Variants in DERA observed in about 807,000 individuals in gnomAD.
The protein encoded by DERA is deoxyribose-phosphate aldolase.
In DERA, 15 loss-of-function variants were observed where a neutral mutation model predicts 41.1. That is an observed-to-expected ratio of 0.37 (90% CI 0.24 to 0.56). The LOEUF (loss-of-function observed/expected upper bound fraction) is 0.56, where lower values mean the gene tolerates loss of function less well. Among genes scored for constraint, DERA ranks in the 20% least tolerant of loss-of-function variants. The pLI is 0.81. For missense variants in DERA, 396 were observed against 403.4 expected (o/e 0.98, Z 0.16); for synonymous variants, 139 against 137.4 (o/e 1.01, Z -0.08).
rs76344977 is a variant in DERA at position 16,000,535 on chromosome 12, G to A, written c.637+18099G>A. ...CAGTGACCCAAGAATGAGTGTTATA[G>A]TATGCTTTTTGTAAAAAATTTATCA... On this transcript the variant is annotated intron_variant, in intron 6 of 8. Coordinates refer to ENST00000428559, the MANE Select transcript of DERA (RefSeq NM_015954.4). This position sits in a 1 kb window ranked among gnomAD's most constrained non-coding sequence, Gnocchi z 4.8. Among the ~76,000 whole-genome samples, 1,119 of 152,300 alleles carry A rather than the reference G, an allele frequency of 7.3e-3. 13 individuals carry two copies. Among genetic ancestry groups the A allele is most frequent in the South Asian group, 0.027 (129 of 4,824 alleles).
At chr12:15,912,251 T>G (rs113798025) in intron 1 of DERA, among the ~76,000 whole-genome samples, 3,910 of 152,172 alleles carry the variant, frequency 0.026, 84 homozygotes, top group Non-Finnish European at 0.04. Flanking sequence ...AGCATCTGTT[T>G]AACAAAGCAC....
chr12:16,012,323 G>A lies in DERA; in HGVS notation c.638-20219G>A, dbSNP rs767464553. On this transcript the variant is annotated intron_variant, in intron 6 of 8. Transcript: ENST00000428559. The surrounding 1 kb of genome is among the most constrained non-coding windows in gnomAD (Gnocchi z 4.1). ...ACAGGATTAAGGGGCCAGCCAGCTG[G>A]GCAGTTTCCCAGTGTGCTAATCTCT... 1.3e-5 allele frequency among the ~76,000 whole-genome samples: 2 copies of A among 152,180 alleles called. No individual in the cohort carries two copies. Among genetic ancestry groups the A allele is most frequent in the African/African-American group, 4.8e-5 (2 of 41,438 alleles).
rs1948420911 is a variant in DERA, at chr12:15,943,175, A to C, written c.32-13761A>C. Among the ~76,000 whole-genome samples, 1 of 152,190 alleles carries C rather than the reference A, an allele frequency of 6.6e-6. No individual in the cohort carries two copies. The highest frequency in any genetic ancestry group is 6.5e-5 in the Admixed American group (1 of 15,284). On this transcript the variant is annotated intron_variant, in intron 1 of 8. Transcript: ENST00000428559. This position sits in a 1 kb window ranked among gnomAD's most constrained non-coding sequence, Gnocchi z 4.5. Reference sequence around the variant, plus strand: ...CTTCTTTGAATTTTGTGCTTTGTGAATCTTACAGATGCTTCTGAATCTTTG... The same window carrying C: ...CTTCTTTGAATTTTGTGCTTTGTGACTCTTACAGATGCTTCTGAATCTTTG...
Position 15,982,377 on chromosome 12 carries a change from C to G in DERA, c.578C>G (p.Thr193Arg), listed in dbSNP as rs369981962. ...GEAHLKTILA[T>R]GELGTLTNVY... ...GCTCATCTTAAAACTATATTAGCGA[C>G]AGGAGAACTTGGAACTCTTACTAAT... is the stretch of plus-strand genomic sequence containing the variant. The change falls in exon 6 of 9, where the codon ACA becomes AGA. Residue 193 changes from threonine (T) to arginine (R), a missense_variant. Transcript: ENST00000428559. The surrounding 1 kb of genome is among the most constrained non-coding windows in gnomAD (Gnocchi z 4.0). The G allele has an allele frequency of 6.6e-5, 106 of 1,613,664 alleles. No individual in the cohort carries two copies. Among genetic ancestry groups the G allele is most frequent in the Non-Finnish European group, 2.6e-5 (31 of 1,179,774 alleles).
Position 15,957,552 on chromosome 12 carries a change from G to A in DERA, c.129+519G>A, listed in dbSNP as rs943745558. ...TCTTCAGTGTATCCCAACCAAAGAC[G>A]TGCTGTGTAGGATTAAAGGGAATTC... is the stretch of plus-strand genomic sequence containing the variant. On this transcript the variant is annotated intron_variant, in intron 2 of 8. Transcript: ENST00000428559. This position sits in a 1 kb window ranked among gnomAD's most constrained non-coding sequence, Gnocchi z 4.8. 6.6e-6 allele frequency among the ~76,000 whole-genome samples: 1 copy of A among 152,150 alleles called. No individual in the cohort carries two copies. The highest frequency in any genetic ancestry group is 2.4e-5 in the African/African-American group (1 of 41,428).
rs1949127071 is a variant in DERA, at chr12:16,036,235, G to C, written c.754G>C (p.Gly252Arg). ...TATTCTCTGCCTTCCCATTTAGATA[G>C]GGTTTAAACCAGCAGGAGGCATCCG... is the stretch of plus-strand genomic sequence containing the variant. ...DFFWKTGNKI[G>R]FKPAGGIRSA... Residue 252 changes from glycine (G) to arginine (R), a missense_variant, in exon 8 of 9, where the codon GGG becomes CGG. Gly to Arg is a moderately radical substitution (Grantham distance 125, BLOSUM62 -2). Coordinates refer to ENST00000428559, the MANE Select transcript of DERA (RefSeq NM_015954.4). The surrounding 1 kb of genome is among the most constrained non-coding windows in gnomAD (Gnocchi z 4.9). 6.3e-7 allele frequency: 1 copy of C among 1,597,852 alleles called. No individual in the cohort carries two copies. Among genetic ancestry groups the C allele is most frequent in the Non-Finnish European group, 8.5e-7 (1 of 1,174,064 alleles).
In DERA at chr12:15,964,384, A is replaced by G. The variant is rs572329922; in HGVS notation, c.508+1437A>G. ...CACCCCACTGCCCCCCAAGTTCCCC[A>G]TTAATACTCATCAACATTTATAATT... On this transcript the variant is annotated intron_variant, in intron 5 of 8. Transcript: ENST00000428559. Among the ~76,000 whole-genome samples, 28 of 152,228 alleles carry G rather than the reference A, an allele frequency of 1.8e-4. 1 individual carries two copies. In the South Asian group the frequency reaches 5.8e-3, roughly 32 times the overall value.
In DERA at chr12:16,036,651, A is replaced by G. The variant is rs199536426; in HGVS notation, c.901-39A>G. The G allele has an allele frequency of 2.0e-5, 29 of 1,434,960 alleles. No homozygotes were observed. The East Asian group carries it at 5.3e-4, about 26-fold the overall frequency. The allele number at this position is 1,434,960 out of a possible 1,614,324, so 88.9% of individuals were successfully genotyped here. On this transcript the variant is annotated intron_variant, in intron 8 of 8. Transcript: ENST00000428559. This position sits in a 1 kb window ranked among gnomAD's most constrained non-coding sequence, Gnocchi z 4.9. ...TAATTATTAACTGATGTGTATAATT[A>G]TAGAATGATTGTTAATTAAACTCTG...
chr12:16,027,720 G>T (rs536780777), intron 6 of DERA, among the ~76,000 whole-genome samples: 1 of 152,258 alleles, frequency 6.6e-6, no homozygotes, highest in East Asian at 1.9e-4. Flanking sequence ...CACTTCTGTT[G>T]TTTTGAGCCA....
chr12:15,935,798 C>A lies in DERA; in HGVS notation c.32-21138C>A, dbSNP rs1205894475. The stretch of plus-strand genomic sequence containing the variant: ...GAAACAATAAGCATTTATTATCTCA[C>A]AACATTTCTCTGGGTCAAAAATTTG... On this transcript the variant is annotated intron_variant, in intron 1 of 8. Coordinates refer to ENST00000428559, the MANE Select transcript of DERA (RefSeq NM_015954.4). This position sits in a 1 kb window ranked among gnomAD's most constrained non-coding sequence, Gnocchi z 4.8. 6.6e-6 allele frequency among the ~76,000 whole-genome samples: 1 copy of A among 152,112 alleles called. No individual in the cohort carries two copies. The highest frequency in any genetic ancestry group is 1.9e-4 in the East Asian group (1 of 5,188).
intron 1 of DERA, among the ~76,000 whole-genome samples, chr12:15,955,588 A>G (rs1359930026): frequency 6.6e-6 from 1 of 152,222 alleles, no homozygotes. Context: ...GATTTCAGCT[A>G]ACAAAATAAT....
chr12:15,997,366 G>GA (rs1156595799), intron 6 of DERA, among the ~76,000 whole-genome samples: 7 of 151,996 alleles, frequency 4.6e-5, no homozygotes, highest in Non-Finnish European at 1.0e-4. Flanking sequence ...CCAAATGAAT[G>GA]AAAAAAATGA....
rs932397878 is a variant in DERA at position 16,008,053 on chromosome 12, C to T, written c.638-24489C>T. ...TTTTTAGTAGAGACAGAGTTTTGCC[C>T]TGTTGGCCTGGCTGGTCTTGAACTC... On this transcript the variant is annotated intron_variant, in intron 6 of 8. Transcript: ENST00000428559. This position sits in a 1 kb window ranked among gnomAD's most constrained non-coding sequence, Gnocchi z 4.8. Among the ~76,000 whole-genome samples, 11 of 151,944 alleles carry T rather than the reference C, an allele frequency of 7.2e-5. No homozygotes were observed. The highest frequency in any genetic ancestry group is 2.4e-4 in the African/African-American group (10 of 41,392).
At chr12:15,944,519 A>G (rs1216421799) in intron 1 of DERA, among the ~76,000 whole-genome samples, 4 of 152,082 alleles carry the variant, frequency 2.6e-5, no homozygotes, top group Non-Finnish European at 5.9e-5. Context: ...TGGCTGCATA[A>G]ATGTCTTCTT....
At position 15,957,023 on chromosome 12, in the gene DERA, A is replaced by G; in HGVS notation, c.119A>G (p.Lys40Arg). The change falls in exon 2 of 9, where the codon AAG becomes AGG. Residue 40 changes from lysine to arginine, a missense_variant. Lys to Arg is a conservative substitution (Grantham distance 26). Coordinates refer to ENST00000428559, the MANE Select transcript of DERA (RefSeq NM_015954.4). This position sits in a 1 kb window ranked among gnomAD's most constrained non-coding sequence, Gnocchi z 4.8. ...EQIQARRTVKKEWQAAWLLKA... is the reference protein window; with the variant it reads ...EQIQARRTVKREWQAAWLLKA... ...ATCCAGGCTCGCAGAACCGTGAAAA[A>G]GGAGTGGCAGGTAAGGGTTCTTCTT... 2 of 1,613,498 alleles carry G rather than the reference A, an allele frequency of 1.2e-6. No individual in the cohort carries two copies. Among genetic ancestry groups the G allele is most frequent in the African/African-American group, 1.3e-5 (1 of 75,044 alleles).
At position 16,008,078 on chromosome 12, in the gene DERA, C is replaced by T. The variant is rs1049964721; in HGVS notation, c.638-24464C>T. 1.3e-5 allele frequency among the ~76,000 whole-genome samples: 2 copies of T among 152,174 alleles called. No homozygotes were observed. Among genetic ancestry groups the T allele is most frequent in the African/African-American group, 4.8e-5 (2 of 41,452 alleles). On this transcript the variant is annotated intron_variant, in intron 6 of 8. Coordinates refer to ENST00000428559, the MANE Select transcript of DERA (RefSeq NM_015954.4). This position sits in a 1 kb window ranked among gnomAD's most constrained non-coding sequence, Gnocchi z 4.8. ...CTGTTGGCCTGGCTGGTCTTGAACT[C>T]GTGGCCTCAGGTGATCTGCCTGCCT...
rs142759142 is a variant in DERA, at chr12:15,911,738, A to G, written c.31+324A>G. On this transcript the variant is annotated intron_variant, in intron 1 of 8. Coordinates refer to ENST00000428559, the MANE Select transcript of DERA (RefSeq NM_015954.4). This position sits in a 1 kb window ranked among gnomAD's most constrained non-coding sequence, Gnocchi z 4.5. ...AACCCAAAAAACAAAACCCAAAACAAACAACCCCCAAGCAGGTAAAAACAG... is the reference window on the plus strand; with the variant it reads ...AACCCAAAAAACAAAACCCAAAACAGACAACCCCCAAGCAGGTAAAAACAG... 279 of 600,992 alleles carry G rather than the reference A, an allele frequency of 4.6e-4. 4 individuals are homozygous for G. Among genetic ancestry groups the G allele is most frequent in the South Asian group, 2.2e-3 (145 of 65,852 alleles). 37.2% of individuals were successfully genotyped at this position (600,992 alleles called of 1,614,324 possible).
chr12:15,926,664 A>G (rs1252419653), intron 1 of DERA, among the ~76,000 whole-genome samples: 2 of 143,298 alleles, frequency 1.4e-5, no homozygotes, highest in East Asian at 2.3e-4. Flanking sequence ...TGAACCCGGG[A>G]GGCGGAGCTT....
Position 15,922,099 on chromosome 12 carries a change from CA to C in DERA, c.31+10686del, listed in dbSNP as rs1948248640. Among the ~76,000 whole-genome samples, 3 of 152,206 alleles carry C rather than the reference CA, an allele frequency of 2.0e-5. No homozygotes were observed. In the South Asian group the frequency reaches 6.2e-4, roughly 32 times the overall value. On this transcript the variant is annotated intron_variant, in intron 1 of 8. Coordinates refer to ENST00000428559, the MANE Select transcript of DERA (RefSeq NM_015954.4). This position sits in a 1 kb window ranked among gnomAD's most constrained non-coding sequence, Gnocchi z 4.9. ...ATGTGTATGTTGAGTACTGTGAACT[CA>C]TCACTGTCCATGTCTTTGTGAAAGC... is the stretch of plus-strand genomic sequence containing the variant.
Sources: allele counts gnomAD v4.1 joint callset (sites outside exome capture counted in the v4.1 genomes callset), GRCh38; gene constraint gnomAD v4.1.1; non-coding constraint Gnocchi (gnomAD v3.1); transcripts MANE v1.5; gene names NCBI Gene and HGNC (gene_info 2026-07-23, HGNC 2026-07-21).